SPRR2G: variants seen among roughly 807,000 people sequenced by gnomAD.
SPRR2G encodes the protein small proline-rich protein 2G.
A neutral mutation model predicts 0.7 loss-of-function variants in SPRR2G; 1 was observed. That is an observed-to-expected ratio of 1.49 (90% CI 0.53 to 7.06). The LOEUF (loss-of-function observed/expected upper bound fraction) is 7.06, where lower values mean the gene tolerates loss of function less well. Ranked by LOEUF, SPRR2G falls within the 30% of genes most tolerant of loss-of-function variation. The pLI is 0.14. For synonymous variants in SPRR2G, 38 were observed against 33.9 expected (o/e 1.12, Z -0.42); for missense variants, 96 against 88.5 (o/e 1.09, Z -0.34).
At chr1:153,151,905 A>G (rs1045336796), upstream of SPRR2G, among the ~76,000 whole-genome samples, 2 of 152,218 alleles carry the variant, frequency 1.3e-5, no homozygotes, top group South Asian at 2.1e-4. Context: ...ATTTAACCAT[A>G]TTAACACTTC....
chr1:153,161,590 G>T, the SPRR2G span, among the ~76,000 whole-genome samples: 1 of 152,160 alleles, frequency 6.6e-6, no homozygotes, highest in East Asian at 1.9e-4. Flanking sequence ...AGCCCCACTT[G>T]TCTACTTTTT....
At chr1:153,178,760 G>C in the SPRR2G span, among the ~76,000 whole-genome samples, 1 of 152,058 alleles carries the variant, frequency 6.6e-6, no homozygotes, top group Non-Finnish European at 1.5e-5. Context: ...TCCTTGTCAA[G>C]TTTCAATATC....
the SPRR2G span, among the ~76,000 whole-genome samples, chr1:153,177,594 T>C: frequency 1.3e-5 from 2 of 152,176 alleles, no homozygotes; most frequent in African/African-American, 4.8e-5. Context: ...CCCTGACTGA[T>C]AATATGGTTA....
At chr1:153,150,456 C>T (rs948878329) in intron 1 of SPRR2G, among the ~76,000 whole-genome samples, 1 of 152,168 alleles carries the variant, frequency 6.6e-6, no homozygotes, top group African/African-American at 2.4e-5. Flanking sequence ...AATCTGTGCT[C>T]TTATCTTCCA....
the SPRR2G span, among the ~76,000 whole-genome samples, chr1:153,165,065 A>G: frequency 1.3e-5 from 2 of 152,190 alleles, no homozygotes; most frequent in Non-Finnish European, 2.9e-5. Context: ...GAAGAGGATG[A>G]TGAATGAGAT....
chr1:153,176,514 C>T, the SPRR2G span: 15 of 152,154 alleles, frequency 9.9e-5, no homozygotes, highest in Admixed American at 7.9e-4. Context: ...AATTTTGATT[C>T]ACTTCAATTC....
At chr1:153,167,517 G>A in the SPRR2G span, among the ~76,000 whole-genome samples, 804 of 152,136 alleles carry the variant, frequency 5.3e-3, 11 homozygotes, top group Middle Eastern at 0.02. Flanking sequence ...CTCTAAACTA[G>A]GTAGGGTAAA....
the SPRR2G span, chr1:153,190,222 C>T: frequency 6.6e-6 from 1 of 152,418 alleles, no homozygotes; most frequent in African/African-American, 2.4e-5. Flanking sequence ...CAGTAGAAGT[C>T]CAGCTGTTAA....
At chr1:153,194,670 C>T in the SPRR2G span, among the ~76,000 whole-genome samples, 1 of 152,232 alleles carries the variant, frequency 6.6e-6, no homozygotes, top group South Asian at 2.1e-4. Flanking sequence ...CTTGGTGCTT[C>T]CCAAACTTTT....
chr1:153,154,272 G>T (rs1656534848), upstream of SPRR2G, among the ~76,000 whole-genome samples: 1 of 151,494 alleles, frequency 6.6e-6, no homozygotes, highest in Admixed American at 6.6e-5. Flanking sequence ...GTATTTTGTT[G>T]AATCTTTTTG....
At chr1:153,181,763 A>G in the SPRR2G span, among the ~76,000 whole-genome samples, 599 of 151,408 alleles carry the variant, frequency 4.0e-3, 9 homozygotes, top group African/African-American at 0.013. Context: ...CCTTATTTTT[A>G]TGGCTGAGTG....
At chr1:153,173,817 T>C in the SPRR2G span, among the ~76,000 whole-genome samples, 1 of 152,170 alleles carries the variant, frequency 6.6e-6, no homozygotes, top group Admixed American at 6.5e-5. Context: ...AGTCTCTCAC[T>C]GGCTTCAAGA....
chr1:153,159,034 A>G, the SPRR2G span, among the ~76,000 whole-genome samples: 1 of 152,194 alleles, frequency 6.6e-6, no homozygotes, highest in Non-Finnish European at 1.5e-5. Flanking sequence ...CTCTGTGCCT[A>G]TGATGGGAGG....
the SPRR2G span, among the ~76,000 whole-genome samples, chr1:153,174,260 C>A: frequency 6.6e-6 from 1 of 152,086 alleles, no homozygotes; most frequent in South Asian, 2.1e-4. Flanking sequence ...TGTACCATCT[C>A]AGGATATTAA....
At chr1:153,166,396 A>G in the SPRR2G span, among the ~76,000 whole-genome samples, 817 of 152,302 alleles carry the variant, frequency 5.4e-3, 12 homozygotes, top group Middle Eastern at 0.02. Context: ...TTAGTTACTT[A>G]GGTTTTGTTG....
the SPRR2G span, among the ~76,000 whole-genome samples, chr1:153,192,356 A>G: frequency 6.6e-6 from 1 of 152,162 alleles, no homozygotes; most frequent in Non-Finnish European, 1.5e-5. Flanking sequence ...TAATCATATT[A>G]TATCCCAGTT....
At chr1:153,151,854 T>C (rs915179431), upstream of SPRR2G, among the ~76,000 whole-genome samples, 9 of 152,238 alleles carry the variant, frequency 5.9e-5, no homozygotes, top group African/African-American at 1.9e-4. Flanking sequence ...AAGTAAAGTA[T>C]AGCTGGCACA....
the SPRR2G span, among the ~76,000 whole-genome samples, chr1:153,158,066 G>A: frequency 0.031 from 4,692 of 152,086 alleles, 240 homozygotes; most frequent in African/African-American, 0.11. Context: ...ACAGAGATAA[G>A]CCATATTATT....
the SPRR2G span, among the ~76,000 whole-genome samples, chr1:153,172,400 T>C: frequency 6.6e-6 from 1 of 152,128 alleles, no homozygotes; most frequent in Non-Finnish European, 1.5e-5. Context: ...AAGTCTTCTA[T>C]CACTAACCTA....
Sources: allele counts gnomAD v4.1 joint callset (sites outside exome capture counted in the v4.1 genomes callset), GRCh38; gene constraint gnomAD v4.1.1; transcripts MANE v1.5; gene names NCBI Gene and HGNC (gene_info 2026-07-23, HGNC 2026-07-21).